The following MX2 variants were observed in gnomAD, a reference collection of about 807,000 sequenced individuals.
MX2 encodes MX dynamin like GTPase 2, also known as interferon-induced GTP-binding protein Mx2.
MX2 carries 51 observed loss-of-function variants against 74.0 expected under a neutral mutation model. The observed-to-expected ratio is 0.69, with a 90% CI of 0.55 to 0.87. MX2 has a LOEUF of 0.87. MX2 is among the 40% of genes least tolerant of loss of function. The pLI is 0.00. For missense variants in MX2, 832 were observed against 908.7 expected (o/e 0.92, Z 1.09); for synonymous variants, 369 against 339.3 (o/e 1.09, Z -0.96).
rs532379337 is a variant in MX2 at position 41,394,917 on chromosome 21, G to A, written c.872-670G>A. The stretch of plus-strand genomic sequence containing the variant: ...TGCACTCCAGCCTGGGCAACAGAGC[G>A]AGACTCCATCTCAAAAAAGAAAGAG... On this transcript the variant is annotated intron_variant, in intron 6 of 13. Coordinates refer to ENST00000330714, the MANE Select transcript of MX2 (RefSeq NM_002463.2). 2.0e-3 allele frequency among the ~76,000 whole-genome samples: 295 copies of A among 148,678 alleles called. 1 individual carries two copies. The highest frequency in any genetic ancestry group is 0.018 in the South Asian group (83 of 4,520).
At chr21:41,379,432 A>C (rs545834725) in intron 3 of MX2, among the ~76,000 whole-genome samples, 9 of 152,258 alleles carry the variant, frequency 5.9e-5, no homozygotes, top group Non-Finnish European at 1.0e-4. Flanking sequence ...CCTGCCTCAA[A>C]GGGCACTATC....
In MX2 at chr21:41,367,902, C is replaced by T. The variant is rs552191243; in HGVS notation, c.-72+5847C>T. 9.8e-5 allele frequency among the ~76,000 whole-genome samples: 15 copies of T among 152,318 alleles called. No homozygotes were observed. In the East Asian group the frequency reaches 2.5e-3, roughly 25 times the overall value. ...TGGATTCTGACCTCACCCTGTTCCT[C>T]ATCTTTGTCTTAACTCTTAACTTGG... On this transcript the variant is annotated intron_variant, in intron 1 of 13. Coordinates refer to ENST00000330714, the MANE Select transcript of MX2 (RefSeq NM_002463.2).
At chr21:41,383,828 C>T (rs1363972350) in intron 5 of MX2, among the ~76,000 whole-genome samples, 1 of 152,108 alleles carries the variant, frequency 6.6e-6, no homozygotes, top group Non-Finnish European at 1.5e-5. Context: ...GTGATGAATT[C>T]CATATTTCTT....
intron 4 of MX2, among the ~76,000 whole-genome samples, chr21:41,381,058 C>A (rs1237781168): frequency 1.3e-5 from 2 of 152,232 alleles, no homozygotes; most frequent in Admixed American, 6.5e-5. Context: ...CCCTTTCCCA[C>A]AGAACCCCTG....
intron 1 of MX2, chr21:41,364,508 G>C (rs550724022): frequency 1.3e-5 from 2 of 153,994 alleles, no homozygotes; most frequent in African/African-American, 4.8e-5. Flanking sequence ...GCGGGGCAGC[G>C]CTGCAGGAGG....
chr21:41,399,493 C>T (rs1038974650), intron 10 of MX2, 156 bp downstream of exon 10: 1 of 764,962 alleles, frequency 1.3e-6, no homozygotes, highest in Non-Finnish European at 2.1e-6. Flanking sequence ...GAACAAAACC[C>T]AGAAATATGG....
chr21:41,407,000 T>C lies in MX2; in HGVS notation c.1905+2T>C. The C allele has an allele frequency of 6.2e-7, 1 of 1,610,428 alleles. No individual in the cohort carries two copies. Among genetic ancestry groups the C allele is most frequent in the East Asian group, 2.2e-5 (1 of 44,764 alleles). ...ATCCACCTGAATGCCTACTTCTTGG[T>C]GAGTTCCCGGCGGGGCAGGAGCCGT... On this transcript the variant is annotated splice_donor_variant, in intron 13 of 13. Transcript: ENST00000330714. LOFTEE classifies it high-confidence loss of function.
Position 41,402,214 on chromosome 21 carries a change from A to C in MX2, c.1573+86A>C. On this transcript the variant is annotated intron_variant, in intron 11 of 13. Transcript: ENST00000330714. The surrounding 1 kb of genome is among the most constrained non-coding windows in gnomAD (Gnocchi z 4.5). ...GCCTTGGAGGGAGAGATTGGAATGGAGTTACCAAACCAGCCTGCAGACACG... is the reference window on the plus strand; with the variant it reads ...GCCTTGGAGGGAGAGATTGGAATGGCGTTACCAAACCAGCCTGCAGACACG... 6.8e-7 allele frequency: 1 copy of C among 1,477,682 alleles called. No homozygotes were observed. The highest frequency in any genetic ancestry group is 2.3e-5 in the Admixed American group (1 of 44,110). 91.5% of individuals were successfully genotyped at this position (1,477,682 alleles called of 1,614,324 possible).
rs763632419 is a variant in MX2 at position 41,403,274 on chromosome 21, C to T, written c.1581C>T (p.Ile527=). The T allele has an allele frequency of 1.2e-6, 2 of 1,610,708 alleles. No individual in the cohort carries two copies. Among genetic ancestry groups the T allele is most frequent in the Non-Finnish European group, 8.5e-7 (1 of 1,177,868 alleles). ...LSMLQKAMEI[I]QQAFINVAKK... ...TTTGCTTTTTTTGGTCAGAAATTAT[C>T]CAGCAAGCTTTCATTAACGTGGCCA... Residue 527 remains isoleucine (I), a synonymous_variant, in exon 12 of 14, where the codon ATC becomes ATT. Transcript: ENST00000330714.
At position 41,377,965 on chromosome 21, in the gene MX2, G is replaced by A. The variant is rs145358453; in HGVS notation, c.426G>A (p.Ala142=). ...TGCTGGAGGCACTGTCAGGAGTCGC[G>A]CTTCCCAGAGGCAGCGGTAAGTTCA... The part of the protein sequence containing the change: ...SSVLEALSGV[A]LPRGSGIVTR... The change falls in exon 3 of 14, where the codon GCG becomes GCA. Residue 142 remains alanine (A), a synonymous_variant. Transcript: ENST00000330714. The A allele has an allele frequency of 1.9e-5, 30 of 1,613,602 alleles. No individual in the cohort carries two copies. In the East Asian group the frequency reaches 2.9e-4, roughly 16 times the overall value.
intron 12 of MX2, 55 bp downstream of exon 12, chr21:41,403,398 G>T: frequency 7.1e-7 from 1 of 1,410,386 alleles, no homozygotes; most frequent in African/African-American, 1.4e-5. Context: ...GTTTAACCTT[G>T]AGAGAAGTTG....
At chr21:41,399,675 C>G (rs1231497662) in intron 10 of MX2, 1 of 209,666 alleles carries the variant, frequency 4.8e-6, no homozygotes, top group Non-Finnish European at 9.8e-6. Context: ...AAGTGATCCT[C>G]CCACCTCAGC....
rs1229065845 is a variant in MX2 at position 41,406,964 on chromosome 21, C to T, written c.1871C>T (p.Thr624Ile). 1 of 1,613,582 alleles carries T rather than the reference C, an allele frequency of 6.2e-7. No individual in the cohort carries two copies. Among genetic ancestry groups the T allele is most frequent in the Non-Finnish European group, 8.5e-7 (1 of 1,179,494 alleles). The stretch of plus-strand genomic sequence containing the variant: ...AATGAGTCTTCGGTTTCCTCCTTTA[C>T]TGAAATAGGCATCCACCTGAATGCC... ...PSNESSVSSF[T>I]EIGIHLNAYF... The change falls in exon 13 of 14, where the codon ACT becomes ATT. Residue 624 changes from threonine (T) to isoleucine (I), a missense_variant. Coordinates refer to ENST00000330714, the MANE Select transcript of MX2 (RefSeq NM_002463.2).
chr21:41,399,381 C>T (rs2089780604), intron 10 of MX2, 44 bp downstream of exon 10: 1 of 1,593,882 alleles, frequency 6.3e-7, no homozygotes. Flanking sequence ...GTGGTATTTA[C>T]CCAGACCAGA....
intron 6 of MX2, among the ~76,000 whole-genome samples, chr21:41,393,822 G>A (rs2089696260): frequency 1.3e-5 from 2 of 152,066 alleles, no homozygotes; most frequent in Admixed American, 6.5e-5. Context: ...CAGAACTCTT[G>A]GTTTCGTACT....
At chr21:41,395,462 G>C in intron 6 of MX2, 125 bp from the exon 7 acceptor site, 1 of 737,390 alleles carries the variant, frequency 1.4e-6, no homozygotes, top group Non-Finnish European at 2.3e-6. Context: ...ATGGAATGAG[G>C]CACTGGAGGA....
intron 1 of MX2, among the ~76,000 whole-genome samples, chr21:41,371,979 T>C (rs1394474876): frequency 6.6e-6 from 1 of 152,152 alleles, no homozygotes; most frequent in Non-Finnish European, 1.5e-5. Flanking sequence ...GTGATTGATT[T>C]TGTATTTTGC....
intron 3 of MX2, among the ~76,000 whole-genome samples, chr21:41,378,738 A>G (rs1304595344): frequency 6.6e-6 from 1 of 152,188 alleles, no homozygotes; most frequent in Admixed American, 6.5e-5. Context: ...AGGAGTTTTT[A>G]GGTAAGCAGG....
At chr21:41,390,429 C>A (rs1288802080) in intron 5 of MX2, 136 bp from the exon 6 acceptor site, 2 of 1,303,798 alleles carry the variant, frequency 1.5e-6, no homozygotes, top group Non-Finnish European at 2.2e-6. Flanking sequence ...CAGGACGGGG[C>A]TCGGCCTAGC....
Sources: gnomAD v4.1 joint callset for allele counts (sites outside exome capture counted in the v4.1 genomes callset) on GRCh38, gnomAD v4.1.1 for gene constraint, Gnocchi (gnomAD v3.1) non-coding constraint, MANE v1.5 for transcripts, NCBI Gene and HGNC (gene_info 2026-07-23, HGNC 2026-07-21) for gene names.